Variants in SGCZ observed in about 807,000 individuals in gnomAD.
SGCZ encodes the protein zeta-sarcoglycan.
A neutral mutation model predicts 41.3 loss-of-function variants in SGCZ; 40 were observed. That is an observed-to-expected ratio of 0.97 (90% CI 0.75 to 1.26). The LOEUF is 1.26. Among genes scored for constraint, SGCZ ranks in the 50% most tolerant of loss-of-function variants. The pLI, the probability that SGCZ is intolerant of heterozygous loss-of-function variation, is 0.00. For synonymous variants in SGCZ, 206 were observed against 137.5 expected, an observed-to-expected ratio of 1.50 and a Z score of -3.49; for missense variants, 552 against 369.8, an observed-to-expected ratio of 1.49 and a Z score of -4.04.
chr8:14,851,206 A>G, intron 1 of SGCZ, among the ~76,000 whole-genome samples: 1 of 151,818 alleles, frequency 6.6e-6, no homozygotes, highest in Admixed American at 6.6e-5. Context: ...TGTCTTTACT[A>G]AAAATACAAA....
chr8:14,605,367 G>T (rs1805715622), intron 1 of SGCZ, among the ~76,000 whole-genome samples: 1 of 151,534 alleles, frequency 6.6e-6, no homozygotes, highest in Non-Finnish European at 1.5e-5. Context: ...GGGCAAATTG[G>T]GTATCTATCA....
chr8:14,788,731 T>G (rs1469138472), intron 1 of SGCZ, among the ~76,000 whole-genome samples: 2 of 152,164 alleles, frequency 1.3e-5, no homozygotes, highest in Non-Finnish European at 2.9e-5. Context: ...CATTAGCAAA[T>G]ACCGAACCAT....
intron 4 of SGCZ, among the ~76,000 whole-genome samples, chr8:14,181,471 C>G (rs535680253): frequency 6.6e-6 from 1 of 152,302 alleles, no homozygotes; most frequent in East Asian, 1.9e-4. Flanking sequence ...ATCCCCAAAT[C>G]AACAGAGAAC....
At chr8:14,291,033 G>T (rs913594684) in intron 3 of SGCZ, among the ~76,000 whole-genome samples, 2 of 152,044 alleles carry the variant, frequency 1.3e-5, no homozygotes, top group Non-Finnish European at 2.9e-5. Flanking sequence ...CCTGTTGTTT[G>T]CAGCAACATG....
At chr8:15,046,480 A>G (rs1196402156) in intron 1 of SGCZ, among the ~76,000 whole-genome samples, 8 of 151,970 alleles carry the variant, frequency 5.3e-5, no homozygotes, top group African/African-American at 1.7e-4. Flanking sequence ...AAATTATTCC[A>G]GATTTGGCCA....
intron 7 of SGCZ, among the ~76,000 whole-genome samples, chr8:14,098,299 T>A (rs1411530227): frequency 1.3e-5 from 2 of 152,156 alleles, no homozygotes; most frequent in African/African-American, 2.4e-5. Context: ...ATTTGTTCTA[T>A]TTTTTTAAGA....
chr8:14,390,788 C>A (rs73664341), intron 2 of SGCZ, among the ~76,000 whole-genome samples: 6,782 of 151,938 alleles, frequency 0.045, 487 homozygotes, highest in African/African-American at 0.15. Context: ...AGCAAAATAT[C>A]TGGTGAGCAA....
chr8:14,188,018 G>T (rs1007831104), intron 4 of SGCZ, among the ~76,000 whole-genome samples: 1 of 152,032 alleles, frequency 6.6e-6, no homozygotes. Context: ...CAATGGAGAG[G>T]AAGTAGTAGG....
At chr8:14,234,108 T>A (rs1422694578) in intron 4 of SGCZ, among the ~76,000 whole-genome samples, 2 of 152,090 alleles carry the variant, frequency 1.3e-5, no homozygotes, top group Non-Finnish European at 2.9e-5. Flanking sequence ...TGGAACTTCA[T>A]CAATTCACAG....
intron 2 of SGCZ, among the ~76,000 whole-genome samples, chr8:14,436,952 T>C (rs1800110735): frequency 1.3e-5 from 2 of 152,230 alleles, no homozygotes; most frequent in Admixed American, 6.5e-5. Context: ...GCAGTATTTG[T>C]TGATGAAGAT....
At chr8:14,248,383 T>G (rs531094227) in intron 3 of SGCZ, among the ~76,000 whole-genome samples, 119 of 152,306 alleles carry the variant, frequency 7.8e-4, no homozygotes, top group South Asian at 1.9e-3. Flanking sequence ...ATAATGTGCG[T>G]GTGTAGAGAG....
At chr8:15,214,792 G>A (rs955510458) in intron 1 of SGCZ, among the ~76,000 whole-genome samples, 1 of 152,030 alleles carries the variant, frequency 6.6e-6, no homozygotes, top group Non-Finnish European at 1.5e-5. Flanking sequence ...GCCGCTGATG[G>A]TGCAATTTTA....
At chr8:14,608,021 A>T (rs1250169206) in intron 1 of SGCZ, among the ~76,000 whole-genome samples, 1 of 152,228 alleles carries the variant, frequency 6.6e-6, no homozygotes, top group Non-Finnish European at 1.5e-5. Context: ...TCAGAATGAG[A>T]AGTAAGATTA....
chr8:14,362,973 A>T (rs1434607530), intron 2 of SGCZ, among the ~76,000 whole-genome samples: 2 of 152,186 alleles, frequency 1.3e-5, no homozygotes, highest in African/African-American at 4.8e-5. Context: ...TTTTAAAATG[A>T]CTTTACAGAT....
intron 2 of SGCZ, among the ~76,000 whole-genome samples, chr8:14,407,846 C>T (rs1799253115): frequency 6.6e-6 from 1 of 152,108 alleles, no homozygotes; most frequent in Admixed American, 6.6e-5. Flanking sequence ...AGCTCCTAAA[C>T]CTCCTAAATA....
chr8:15,075,550 A>C (rs1159831850), intron 1 of SGCZ, among the ~76,000 whole-genome samples: 1 of 152,140 alleles, frequency 6.6e-6, no homozygotes, highest in Non-Finnish European at 1.5e-5. Context: ...GTTGAAGCCT[A>C]AGGACTTTGA....
At chr8:14,524,322 C>T (rs1182967818) in intron 2 of SGCZ, among the ~76,000 whole-genome samples, 2 of 151,894 alleles carry the variant, frequency 1.3e-5, no homozygotes, top group African/African-American at 2.4e-5. Flanking sequence ...CATTGAAACC[C>T]GAGGCAAAGT....
chr8:14,139,477 A>G (rs186285035), intron 5 of SGCZ, among the ~76,000 whole-genome samples: 1,659 of 152,260 alleles, frequency 0.011, 15 homozygotes, highest in South Asian at 0.017. Context: ...GAAGAATCAC[A>G]TAGATGCAAT....
chr8:14,766,605 A>T (rs1281656925), intron 1 of SGCZ, among the ~76,000 whole-genome samples: 2 of 151,974 alleles, frequency 1.3e-5, no homozygotes, highest in African/African-American at 4.8e-5. Flanking sequence ...TCTGTCACCC[A>T]GGCTGGAGTG....
Sources: allele counts gnomAD v4.1 joint callset (sites outside exome capture counted in the v4.1 genomes callset), GRCh38; gene constraint gnomAD v4.1.1; transcripts MANE v1.5; gene names NCBI Gene and HGNC (gene_info 2026-07-23, HGNC 2026-07-21).